The following SMARCC1 variants were observed in gnomAD, a reference collection of about 807,000 sequenced individuals.
SMARCC1 encodes the protein SWI/SNF related BAF chromatin remodeling complex subunit C1, also known as SWI/SNF complex subunit SMARCC1.
Under a neutral mutation model 147.4 loss-of-function variants are expected in SMARCC1, and 43 were observed. That is an observed-to-expected ratio of 0.29 (90% confidence interval 0.23 to 0.38). SMARCC1 has a LOEUF of 0.38. Among genes scored for constraint, SMARCC1 ranks in the 10% least tolerant of loss-of-function variants. The pLI, the probability that SMARCC1 is intolerant of heterozygous loss-of-function variation, is 1.00. For synonymous variants in SMARCC1, 495 were observed against 484.4 expected, an observed-to-expected ratio of 1.02 and a Z score of -0.29; for missense variants, 1,119 against 1,381.1, an observed-to-expected ratio of 0.81 and a Z score of 3.01.
rs1186152493 is a variant in SMARCC1, at chr3:47,781,756, T to C, written c.42A>G (p.Val14=). The change falls in exon 1 of 28, where the codon GTA becomes GTG. Residue 14 remains valine, a synonymous_variant. Transcript: ENST00000254480. ...AAGGGGPGTA[V]GATGSGIAAA... is the part of the protein sequence containing the mutation. Reference sequence around the variant, plus strand: ...CCGCAATCCCCGAGCCCGTGGCGCCTACCGCTGTCCCCGGCCCGCCGCCGC... The same window carrying C: ...CCGCAATCCCCGAGCCCGTGGCGCCCACCGCTGTCCCCGGCCCGCCGCCGC... The C allele has an allele frequency of 6.6e-7, 1 of 1,514,252 alleles. No individual in the cohort carries two copies. The highest frequency in any genetic ancestry group is 8.8e-7 in the Non-Finnish European group (1 of 1,136,166). The allele number at this position is 1,514,252 out of a possible 1,614,324, so 93.8% of individuals were successfully genotyped here.
chr3:47,671,196 A>AAAAAAACAAAC (rs753672169), intron 18 of SMARCC1, among the ~76,000 whole-genome samples: 2 of 81,144 alleles, frequency 2.5e-5, no homozygotes, highest in Non-Finnish European at 4.8e-5. Context: ...AAAAAAAAAA[A>AAAAAAACAAAC]AACACACACA....
intron 12 of SMARCC1, 66 bp downstream of exon 12, chr3:47,693,175 C>T: frequency 1.1e-6 from 1 of 923,882 alleles, no homozygotes; most frequent in Non-Finnish European, 1.8e-6. Flanking sequence ...GAAGAATAGA[C>T]TATCAAAGGA....
chr3:47,718,622 G>A (rs931393436), intron 7 of SMARCC1, among the ~76,000 whole-genome samples: 10 of 151,738 alleles, frequency 6.6e-5, no homozygotes, highest in African/African-American at 1.5e-4. Context: ...TATACTGCTC[G>A]GATGATGGGT....
intron 19 of SMARCC1, among the ~76,000 whole-genome samples, chr3:47,665,290 A>C (rs1004980243): frequency 1.3e-5 from 2 of 152,198 alleles, no homozygotes; most frequent in African/African-American, 4.8e-5. Flanking sequence ...GATATTCAGT[A>C]ACCTCAGGTA....
chr3:47,691,372 G>C lies in SMARCC1; in HGVS notation c.1225+1869C>G, dbSNP rs1017742950. 5.9e-5 allele frequency among the ~76,000 whole-genome samples: 9 copies of C among 152,122 alleles called. No homozygotes were observed. In the East Asian group the frequency reaches 1.5e-3, roughly 26 times the overall value. ...CTCACGCCTGTAATCCCAGCACTCT[G>C]GGAGGCCGAGGTGGGTGGGTCGCCT... On this transcript the variant is annotated intron_variant, in intron 12 of 27. Coordinates refer to ENST00000254480, the MANE Select transcript of SMARCC1 (RefSeq NM_003074.4).
intron 3 of SMARCC1, among the ~76,000 whole-genome samples, chr3:47,740,504 C>A (rs1296538052): frequency 6.6e-6 from 1 of 151,170 alleles, no homozygotes; most frequent in African/African-American, 2.4e-5. Context: ...CCACACCCGG[C>A]TAATTTTTGT....
intron 26 of SMARCC1, chr3:47,604,060 G>C (rs532290991): frequency 2.2e-6 from 1 of 456,772 alleles, no homozygotes; most frequent in South Asian, 1.5e-5. Flanking sequence ...CAGAGGGGCT[G>C]AAGAACTTAC....
At chr3:47,670,367 TTG>T in intron 19 of SMARCC1, 1 of 358,068 alleles carries the variant, frequency 2.8e-6, no homozygotes, top group East Asian at 5.0e-5. Flanking sequence ...GGAGGATTGC[TTG>T]AGTCCAGGAG....
chr3:47,767,063 G>A (rs2034848500), intron 2 of SMARCC1, among the ~76,000 whole-genome samples: 1 of 151,520 alleles, frequency 6.6e-6, no homozygotes, highest in Admixed American at 6.6e-5. Flanking sequence ...GGCACCTGTT[G>A]TCCCAGCTAC....
intron 19 of SMARCC1, among the ~76,000 whole-genome samples, chr3:47,665,586 G>C (rs1363733774): frequency 6.6e-6 from 1 of 152,100 alleles, no homozygotes; most frequent in Non-Finnish European, 1.5e-5. Context: ...CAAAATCCAA[G>C]CAAGACTCAG....
At chr3:47,599,848 G>A (rs1030728235) in intron 26 of SMARCC1, among the ~76,000 whole-genome samples, 7 of 152,206 alleles carry the variant, frequency 4.6e-5, no homozygotes, top group African/African-American at 1.4e-4. Context: ...GCAAAGAGGA[G>A]CATCACTGGC....
At chr3:47,771,966 T>C (rs1267553898) in intron 2 of SMARCC1, among the ~76,000 whole-genome samples, 1 of 151,108 alleles carries the variant, frequency 6.6e-6, no homozygotes, top group East Asian at 2.0e-4. Flanking sequence ...CCTGTAATCC[T>C]AGCTATTCGG....
At chr3:47,602,306 G>GT (rs1447353601) in intron 26 of SMARCC1, among the ~76,000 whole-genome samples, 1 of 151,946 alleles carries the variant, frequency 6.6e-6, no homozygotes, top group African/African-American at 2.4e-5. Flanking sequence ...AAAAGTTCCA[G>GT]TTTTTTTAAA....
intron 21 of SMARCC1, among the ~76,000 whole-genome samples, chr3:47,651,620 A>G (rs2033191919): frequency 6.6e-6 from 1 of 152,160 alleles, no homozygotes; most frequent in Non-Finnish European, 1.5e-5. Context: ...CACTTTCTCA[A>G]TGAGACTTTC....
At chr3:47,615,164 G>A (rs2032620884) in intron 25 of SMARCC1, among the ~76,000 whole-genome samples, 1 of 152,126 alleles carries the variant, frequency 6.6e-6, no homozygotes, top group Admixed American at 6.5e-5. Context: ...AAGCTTGTAT[G>A]TATACCTATA....
chr3:47,718,751 C>A (rs940278633), intron 7 of SMARCC1, among the ~76,000 whole-genome samples: 4 of 151,826 alleles, frequency 2.6e-5, no homozygotes, highest in Non-Finnish European at 5.9e-5. Flanking sequence ...AGAAGACTGA[C>A]TAGACCTGTA....
At chr3:47,609,158 G>A (rs1455896937) in intron 26 of SMARCC1, among the ~76,000 whole-genome samples, 1 of 152,106 alleles carries the variant, frequency 6.6e-6, no homozygotes, top group African/African-American at 2.4e-5. Context: ...ATGATATTAG[G>A]AATTATGATT....
intron 26 of SMARCC1, among the ~76,000 whole-genome samples, chr3:47,598,462 T>C (rs970224382): frequency 5.3e-5 from 8 of 152,146 alleles, no homozygotes; most frequent in East Asian, 3.9e-4. Flanking sequence ...GAAGAACATA[T>C]TGCCGCCCTT....
intron 10 of SMARCC1, among the ~76,000 whole-genome samples, chr3:47,704,816 C>T (rs574378869): frequency 6.6e-6 from 1 of 151,892 alleles, no homozygotes; most frequent in African/African-American, 2.4e-5. Context: ...ACTCCAGAGG[C>T]TGAGGTAGGA....
Sources: allele counts gnomAD v4.1 joint callset (sites outside exome capture counted in the v4.1 genomes callset), GRCh38; gene constraint gnomAD v4.1.1; transcripts MANE v1.5; gene names NCBI Gene and HGNC (gene_info 2026-07-23, HGNC 2026-07-21).